The following STXBP4 variants were observed in gnomAD, a reference collection of about 807,000 sequenced individuals.
The protein encoded by STXBP4 is syntaxin binding protein 4, also known as syntaxin-binding protein 4.
Under a neutral mutation model 76.1 loss-of-function variants are expected in STXBP4, and 55 were observed. The observed-to-expected ratio is 0.72, with a 90% CI of 0.58 to 0.91. STXBP4 has a LOEUF of 0.91. Among genes scored for constraint, STXBP4 ranks in the 40% least tolerant of loss-of-function variants. The pLI is 0.00. For synonymous variants in STXBP4, 201 were observed against 220.2 expected (o/e 0.91, Z 0.77); for missense variants, 618 against 636.9 (o/e 0.97, Z 0.32).
intron 13 of STXBP4, 48 bp downstream of exon 13, chr17:55,073,124 T>G (rs1407427737): frequency 1.0e-5 from 16 of 1,566,362 alleles, no homozygotes; most frequent in Non-Finnish European, 1.4e-5. Flanking sequence ...TCCTTGCCGT[T>G]GTCATGTATC....
intron 15 of STXBP4, 82 bp downstream of exon 15, chr17:55,078,817 A>C (rs2079220821): frequency 1.2e-6 from 1 of 810,252 alleles, no homozygotes; most frequent in East Asian, 2.5e-5. Context: ...AATACTAAAA[A>C]TCTCTTAAAT....
At chr17:55,026,433 C>G (rs1187740008) in intron 8 of STXBP4, among the ~76,000 whole-genome samples, 1 of 152,110 alleles carries the variant, frequency 6.6e-6, no homozygotes, top group Non-Finnish European at 1.5e-5. Flanking sequence ...CACTGTGAAC[C>G]TTTTCCCAAG....
chr17:55,150,284 T>A (rs2080200817), intron 17 of STXBP4, among the ~76,000 whole-genome samples: 1 of 152,182 alleles, frequency 6.6e-6, no homozygotes, highest in Non-Finnish European at 1.5e-5. Context: ...TGGTTTCTGG[T>A]GAGACTCTCT....
At chr17:55,153,005 G>A (rs1016517323) in intron 17 of STXBP4, among the ~76,000 whole-genome samples, 17 of 152,066 alleles carry the variant, frequency 1.1e-4, no homozygotes, top group African/African-American at 3.6e-4. Context: ...GAGCCTCAGC[G>A]AGGAGTTTAA....
chr17:55,014,978 C>T (rs1028057618), intron 8 of STXBP4, among the ~76,000 whole-genome samples: 10 of 151,950 alleles, frequency 6.6e-5, no homozygotes, highest in African/African-American at 2.2e-4. Flanking sequence ...ATAAAAAAAC[C>T]GAAGTTGCCA....
chr17:55,043,689 AC>A (rs2078741750), intron 11 of STXBP4: 1 of 1,542,118 alleles, frequency 6.5e-7, no homozygotes, highest in Admixed American at 2.0e-5. Context: ...TTTGGGAAAT[AC>A]ATTTTTTTTC....
chr17:55,016,415 A>T (rs1357566049), intron 8 of STXBP4, among the ~76,000 whole-genome samples: 3 of 152,134 alleles, frequency 2.0e-5, no homozygotes, highest in Non-Finnish European at 2.9e-5. Context: ...CCCCATCAAG[A>T]TGCATTCCCA....
chr17:55,189,501 C>T, the STXBP4 span, among the ~76,000 whole-genome samples: 2 of 152,184 alleles, frequency 1.3e-5, no homozygotes, highest in African/African-American at 4.8e-5. Context: ...TTTCCATCAA[C>T]AAGCATCTAC....
intron 1 of STXBP4, among the ~76,000 whole-genome samples, chr17:54,983,128 T>G (rs1034890192): frequency 2.6e-5 from 4 of 152,168 alleles, no homozygotes; most frequent in Non-Finnish European, 4.4e-5. Context: ...GTATTCGTGT[T>G]TAATGATGAC....
At chr17:55,148,062 A>G (rs1371992292) in intron 17 of STXBP4, among the ~76,000 whole-genome samples, 1 of 152,226 alleles carries the variant, frequency 6.6e-6, no homozygotes, top group Non-Finnish European at 1.5e-5. Flanking sequence ...CAAATTTCTT[A>G]CAAGATGTTC....
intron 7 of STXBP4, among the ~76,000 whole-genome samples, chr17:55,004,626 A>T (rs924462707): frequency 6.6e-6 from 1 of 151,446 alleles, no homozygotes; most frequent in African/African-American, 2.4e-5. Flanking sequence ...GCTTGAGCCC[A>T]GGAGGTCGAG....
intron 16 of STXBP4, among the ~76,000 whole-genome samples, 187 bp from the exon 17 acceptor site, chr17:55,141,119 CTTAT>C (rs1374443896): frequency 3.3e-5 from 5 of 152,292 alleles, no homozygotes; most frequent in Admixed American, 1.3e-4. Context: ...CTGCTCAAGA[CTTAT>C]TTATTGTGTT....
chr17:55,133,066 T>C (rs192310838), intron 16 of STXBP4, among the ~76,000 whole-genome samples: 155 of 152,248 alleles, frequency 1.0e-3, no homozygotes, highest in African/African-American at 3.6e-3. Flanking sequence ...CTTTTTGTTT[T>C]TTTAATGATG....
chr17:55,204,036 C>T, the STXBP4 span, among the ~76,000 whole-genome samples: 2 of 151,892 alleles, frequency 1.3e-5, no homozygotes, highest in African/African-American at 4.8e-5. Context: ...TTTAGACATT[C>T]TTCTGTTCTA....
chr17:55,043,927 C>T (rs2078746880), intron 11 of STXBP4: 1 of 309,254 alleles, frequency 3.2e-6, no homozygotes, highest in Non-Finnish European at 5.9e-6. Flanking sequence ...CGTCTCACTG[C>T]AGCCTCAACC....
chr17:55,044,322 TTAAA>T (rs1404107649), intron 11 of STXBP4: 1 of 151,794 alleles, frequency 6.6e-6, no homozygotes, highest in Non-Finnish European at 1.5e-5. Context: ...AATTATTTTA[TTAAA>T]TAAGGTATAG....
intron 16 of STXBP4, among the ~76,000 whole-genome samples, chr17:55,095,631 A>G (rs1016949386): frequency 1.3e-5 from 2 of 152,186 alleles, no homozygotes; most frequent in Non-Finnish European, 2.9e-5. Context: ...GTTGCAGGTA[A>G]TATTTTTAAA....
intron 9 of STXBP4, among the ~76,000 whole-genome samples, chr17:55,031,709 A>T (rs1441470336): frequency 1.3e-5 from 2 of 152,152 alleles, no homozygotes; most frequent in African/African-American, 4.8e-5. Flanking sequence ...GGACCCCTGC[A>T]TATACCCAAA....
chr17:55,153,628 G>A (rs1017889523), intron 17 of STXBP4, among the ~76,000 whole-genome samples: 5 of 152,132 alleles, frequency 3.3e-5, no homozygotes, highest in Admixed American at 1.3e-4. Context: ...TGTTTAGTCA[G>A]ATGTTTATTA....
Sources: allele counts gnomAD v4.1 joint callset (sites outside exome capture counted in the v4.1 genomes callset), GRCh38; gene constraint gnomAD v4.1.1; transcripts MANE v1.5; gene names NCBI Gene and HGNC (gene_info 2026-07-23, HGNC 2026-07-21).